CSTPP1: variants seen among roughly 807,000 people sequenced by gnomAD.
The protein encoded by CSTPP1 is UPF0705 protein C11orf49.
chr11:47,090,242 C>T, the CSTPP1 span, among the ~76,000 whole-genome samples: 1 of 152,160 alleles, frequency 6.6e-6, no homozygotes, highest in African/African-American at 2.4e-5. Flanking sequence ...GCCTTGGCCT[C>T]CCAAAGTGCT....
chr11:47,039,443 C>CAGAGGGAGACCGTGGAGAGAGGG, the CSTPP1 span, among the ~76,000 whole-genome samples: 96 of 127,346 alleles, frequency 7.5e-4, 8 homozygotes, highest in African/African-American at 2.3e-3. Context: ...AGCTCCGCAT[C>CAGAGGGAGACCGTGGAGAGAGGG]AGAGGGAGAC....
chr11:47,079,923 G>A, the CSTPP1 span, among the ~76,000 whole-genome samples: 5 of 151,298 alleles, frequency 3.3e-5, no homozygotes, highest in Admixed American at 2.6e-4. Flanking sequence ...GTGATACCCC[G>A]TCTCTATTAA....
the CSTPP1 span, among the ~76,000 whole-genome samples, chr11:46,971,175 C>T: frequency 6.6e-6 from 1 of 152,172 alleles, no homozygotes; most frequent in Non-Finnish European, 1.5e-5. Flanking sequence ...CCTGTTTTTA[C>T]TTCACACCCT....
the CSTPP1 span, among the ~76,000 whole-genome samples, chr11:46,994,762 C>T: frequency 2.0e-5 from 3 of 152,128 alleles, no homozygotes; most frequent in African/African-American, 7.2e-5. Context: ...CTCTGCCAGG[C>T]TTTGGTATCA....
At chr11:47,056,392 G>A in the CSTPP1 span, among the ~76,000 whole-genome samples, 1 of 152,088 alleles carries the variant, frequency 6.6e-6, no homozygotes, top group Non-Finnish European at 1.5e-5. Flanking sequence ...TATAGAAGTG[G>A]GGCCTCTTCA....
At chr11:46,955,811 G>A in the CSTPP1 span, among the ~76,000 whole-genome samples, 4 of 148,966 alleles carry the variant, frequency 2.7e-5, no homozygotes, top group Non-Finnish European at 5.9e-5. Flanking sequence ...GGACAACACG[G>A]TGAAACCCCG....
the CSTPP1 span, among the ~76,000 whole-genome samples, chr11:47,055,291 G>A: frequency 6.6e-6 from 1 of 151,704 alleles, no homozygotes; most frequent in Non-Finnish European, 1.5e-5. Flanking sequence ...TTGCTTGCTT[G>A]CTTTTCTTTT....
chr11:47,162,830 A>G, the CSTPP1 span, among the ~76,000 whole-genome samples: 1 of 152,148 alleles, frequency 6.6e-6, no homozygotes, highest in Non-Finnish European at 1.5e-5. Flanking sequence ...ACGGATCATT[A>G]CAGGAACTGC....
the CSTPP1 span, among the ~76,000 whole-genome samples, chr11:47,005,678 T>C: frequency 6.6e-6 from 1 of 152,154 alleles, no homozygotes; most frequent in South Asian, 2.1e-4. Context: ...TGGAATCAGA[T>C]AGGTCTATGT....
At chr11:46,970,069 A>G in the CSTPP1 span, among the ~76,000 whole-genome samples, 1 of 152,224 alleles carries the variant, frequency 6.6e-6, no homozygotes, top group Non-Finnish European at 1.5e-5. Context: ...ATGTATACAC[A>G]CATACATATA....
the CSTPP1 span, chr11:47,157,333 T>A: frequency 8.5e-7 from 1 of 1,182,620 alleles, no homozygotes; most frequent in Non-Finnish European, 1.2e-6. Flanking sequence ...GGGCCCTTGC[T>A]GGTCATAATG....
chr11:47,052,192 A>C, the CSTPP1 span: 1 of 522,848 alleles, frequency 1.9e-6, no homozygotes, highest in Non-Finnish European at 3.1e-6. Flanking sequence ...ACTGGCCTCC[A>C]AGAGTTTTCG....
At chr11:47,119,220 G>T in the CSTPP1 span, among the ~76,000 whole-genome samples, 2 of 152,246 alleles carry the variant, frequency 1.3e-5, no homozygotes, top group African/African-American at 4.8e-5. Context: ...AGACTGCTGC[G>T]CTAGCAGTGA....
the CSTPP1 span, among the ~76,000 whole-genome samples, chr11:47,140,511 C>T: frequency 6.6e-6 from 1 of 152,140 alleles, no homozygotes; most frequent in Non-Finnish European, 1.5e-5. Context: ...CAGCCTTCAC[C>T]CCGCCTCTCC....
chr11:47,150,987 A>G, the CSTPP1 span, among the ~76,000 whole-genome samples: 4 of 150,618 alleles, frequency 2.7e-5, no homozygotes, highest in Non-Finnish European at 4.4e-5. Flanking sequence ...CCCAGGTTCA[A>G]GCGATTCTCC....
chr11:47,119,012 A>C, the CSTPP1 span, among the ~76,000 whole-genome samples: 5 of 152,230 alleles, frequency 3.3e-5, no homozygotes, highest in Admixed American at 6.5e-5. Context: ...AGGGACGTTT[A>C]AGTCTGCAGA....
the CSTPP1 span, among the ~76,000 whole-genome samples, chr11:47,016,396 AC>A: frequency 0.01 from 1,438 of 140,686 alleles, 41 homozygotes; most frequent in African/African-American, 0.036. Context: ...TCTACAAAAA[AC>A]AAAAAACAAA....
the CSTPP1 span, among the ~76,000 whole-genome samples, chr11:46,973,790 G>GTGTGTGTGTC: frequency 6.6e-6 from 1 of 151,744 alleles, no homozygotes; most frequent in African/African-American, 2.4e-5. Flanking sequence ...ATGTGTGTGT[G>GTGTGTGTGTC]TGTGTGTGTC....
At chr11:47,117,395 G>A in the CSTPP1 span, among the ~76,000 whole-genome samples, 1 of 152,180 alleles carries the variant, frequency 6.6e-6, no homozygotes, top group African/African-American at 2.4e-5. Context: ...CATTTATGAA[G>A]TTTAGTTTGG....
Sources: gnomAD v4.1 joint callset for allele counts (sites outside exome capture counted in the v4.1 genomes callset) on GRCh38, gnomAD v4.1.1 for gene constraint, MANE v1.5 for transcripts, NCBI Gene and HGNC (gene_info 2026-07-23, HGNC 2026-07-21) for gene names.